The following MTBP variants were observed in gnomAD, a reference collection of about 807,000 sequenced individuals.
The protein encoded by MTBP is mdm2-binding protein.
In MTBP, 101 loss-of-function variants were observed where a neutral mutation model predicts 117.0. The ratio of observed to expected loss-of-function variants is 0.86; its 90% confidence interval spans 0.73 to 1.02. The LOEUF is 1.02. Among genes scored for constraint, MTBP ranks in the 50% least tolerant of loss-of-function variants. MTBP has a pLI of 0.00. For synonymous variants in MTBP, 350 were observed against 351.5 expected (o/e 1.00, Z 0.05); for missense variants, 970 against 1,030.9 (o/e 0.94, Z 0.81).
At position 120,488,315 on chromosome 8, in the gene MTBP, C is replaced by T. The variant is rs1586958518; in HGVS notation, c.1322C>T (p.Thr441Ile). The change falls in exon 12 of 22, where the codon ACA becomes ATA. Residue 441 changes from threonine to isoleucine, a missense_variant. Thr to Ile is a moderately conservative substitution (Grantham distance 89). Coordinates refer to ENST00000305949, the MANE Select transcript of MTBP (RefSeq NM_022045.5). Reference protein sequence around the residue: ...NLIHGKMKTKTEEAKLSFPFD... With the variant: ...NLIHGKMKTKIEEAKLSFPFD... ...ATTCATGGAAAGATGAAAACAAAGA[C>T]AGAAGAAGCCAAATTGAGTAAGTGT... 1 of 1,548,108 alleles carries T rather than the reference C, an allele frequency of 6.5e-7. No individual in the cohort carries two copies. Among genetic ancestry groups the T allele is most frequent in the Non-Finnish European group, 8.7e-7 (1 of 1,154,992 alleles).
At chr8:120,447,708 A>T (rs906502022) in intron 2 of MTBP, among the ~76,000 whole-genome samples, 1 of 152,192 alleles carries the variant, frequency 6.6e-6, no homozygotes, top group South Asian at 2.1e-4. Context: ...AAATAAAAAA[A>T]TAGTAAAAAT....
At chr8:120,496,142 G>T (rs1283858963) in intron 13 of MTBP, among the ~76,000 whole-genome samples, 1 of 152,154 alleles carries the variant, frequency 6.6e-6, no homozygotes, top group Non-Finnish European at 1.5e-5. Flanking sequence ...CTAGGCAACT[G>T]CAGACCAACC....
intron 8 of MTBP, among the ~76,000 whole-genome samples, chr8:120,460,915 C>G (rs566140573): frequency 6.6e-6 from 1 of 152,140 alleles, no homozygotes; most frequent in African/African-American, 2.4e-5. Flanking sequence ...TCTTCCCATA[C>G]TTATTTTCTC....
intron 11 of MTBP, chr8:120,473,915 T>TGGAGA (rs1313721443): frequency 7.2e-5 from 11 of 152,102 alleles, no homozygotes; most frequent in Admixed American, 7.2e-4. Context: ...AATATTAACA[T>TGGAGA]CTCCTTAATA....
At chr8:120,467,661 A>T (rs1433754749) in intron 10 of MTBP, among the ~76,000 whole-genome samples, 3 of 152,216 alleles carry the variant, frequency 2.0e-5, no homozygotes, top group African/African-American at 7.2e-5. Flanking sequence ...TATTCTGGAG[A>T]TAGAATGATA....
At chr8:120,455,652 C>G in intron 6 of MTBP, 73 bp downstream of exon 6, 1 of 1,417,086 alleles carries the variant, frequency 7.1e-7, no homozygotes, top group Non-Finnish European at 9.7e-7. Context: ...ATTCTCTTTT[C>G]AGACTCAGCG....
chr8:120,493,483 T>C (rs1057107328), intron 13 of MTBP, among the ~76,000 whole-genome samples: 1 of 145,732 alleles, frequency 6.9e-6, no homozygotes, highest in African/African-American at 2.7e-5. Context: ...TGTGTGGGGG[T>C]GTATATATAT....
At chr8:120,465,655 CTTTTT>C (rs10663319) in intron 10 of MTBP, among the ~76,000 whole-genome samples, 1 of 101,660 alleles carries the variant, frequency 9.8e-6, no homozygotes, top group Non-Finnish European at 1.8e-5. Context: ...CTTATAGAGA[CTTTTT>C]TTTTTTTTTT....
intron 5 of MTBP, among the ~76,000 whole-genome samples, chr8:120,454,727 C>A (rs1042660280): frequency 2.0e-5 from 3 of 151,970 alleles, no homozygotes; most frequent in Non-Finnish European, 4.4e-5. Flanking sequence ...AGTTGACAAA[C>A]GTATCAACTT....
intron 10 of MTBP, among the ~76,000 whole-genome samples, chr8:120,467,084 T>C (rs899112998): frequency 1.3e-5 from 2 of 152,206 alleles, no homozygotes; most frequent in African/African-American, 4.8e-5. Context: ...AAATTATTTA[T>C]CTATGTAACT....
chr8:120,496,183 C>T (rs542290295), intron 13 of MTBP, among the ~76,000 whole-genome samples: 2 of 152,228 alleles, frequency 1.3e-5, no homozygotes, highest in South Asian at 4.2e-4. Flanking sequence ...GAAAATACAT[C>T]CTGAAGACTT....
At position 120,523,292 on chromosome 8, in the gene MTBP, C is replaced by T. The variant is rs1815035336; in HGVS notation, c.2677-6C>T. The stretch of plus-strand genomic sequence containing the variant: ...TCTTCTGTAATCATATTTTTTCTCC[C>T]CCTAGGTGATTGACTGGGTATTAGA... On this transcript the variant is annotated splice_region_variant and splice_polypyrimidine_tract_variant and intron_variant, in intron 21 of 21. Coordinates refer to ENST00000305949, the MANE Select transcript of MTBP (RefSeq NM_022045.5). 2 of 1,539,422 alleles carry T rather than the reference C, an allele frequency of 1.3e-6. No homozygotes were observed. The highest frequency in any genetic ancestry group is 1.8e-6 in the Non-Finnish European group (2 of 1,131,448).
At chr8:120,509,301 A>C (rs1166228987) in intron 16 of MTBP, among the ~76,000 whole-genome samples, 1 of 152,226 alleles carries the variant, frequency 6.6e-6, no homozygotes, top group African/African-American at 2.4e-5. Context: ...AAAATCTTCC[A>C]GAAATAAGGC....
intron 16 of MTBP, among the ~76,000 whole-genome samples, chr8:120,509,516 C>T (rs552437180): frequency 2.6e-5 from 4 of 152,152 alleles, no homozygotes; most frequent in East Asian, 3.9e-4. Context: ...GCAGGAGAAT[C>T]GCTTGAACCT....
chr8:120,468,032 G>A (rs1343841591), intron 10 of MTBP, among the ~76,000 whole-genome samples: 4 of 152,174 alleles, frequency 2.6e-5, no homozygotes, highest in African/African-American at 9.6e-5. Flanking sequence ...CTTTTTAACC[G>A]TACAGTCTGG....
intron 16 of MTBP, 98 bp downstream of exon 16, chr8:120,506,959 CAG>C: frequency 3.8e-6 from 4 of 1,044,614 alleles, no homozygotes; most frequent in Non-Finnish European, 5.3e-6. Flanking sequence ...CTATGCTACT[CAG>C]GGAAAATTTA....
At chr8:120,515,576 A>G (rs1467739838) in intron 17 of MTBP, among the ~76,000 whole-genome samples, 1 of 152,056 alleles carries the variant, frequency 6.6e-6, no homozygotes, top group African/African-American at 2.4e-5. Context: ...GTTGTCATAT[A>G]TCAGCCATAC....
chr8:120,460,191 A>T (rs1378386313), intron 8 of MTBP, among the ~76,000 whole-genome samples: 3 of 152,134 alleles, frequency 2.0e-5, no homozygotes, highest in Non-Finnish European at 4.4e-5. Context: ...GTAACTTACT[A>T]TGGCCATCTT....
At chr8:120,516,360 G>GA (rs1389679721) in intron 18 of MTBP, among the ~76,000 whole-genome samples, 169 bp downstream of exon 18, 1 of 151,784 alleles carries the variant, frequency 6.6e-6, no homozygotes, top group African/African-American at 2.4e-5. Context: ...AATGATTTGG[G>GA]AAAAAAACAC....
Sources: gnomAD v4.1 joint callset for allele counts (sites outside exome capture counted in the v4.1 genomes callset) on GRCh38, gnomAD v4.1.1 for gene constraint, MANE v1.5 for transcripts, NCBI Gene and HGNC (gene_info 2026-07-23, HGNC 2026-07-21) for gene names.